The following TENM3 variants were observed in gnomAD, a reference collection of about 807,000 sequenced individuals.
TENM3 encodes teneurin transmembrane protein 3, also known as teneurin-3.
TENM3 carries 63 observed loss-of-function variants against 255.1 expected under a neutral mutation model. The observed-to-expected ratio is 0.25, with a 90% CI of 0.20 to 0.30. The LOEUF (loss-of-function observed/expected upper bound fraction) is 0.30, where lower values mean the gene tolerates loss of function less well. TENM3 is among the 10% of genes least tolerant of loss of function. The pLI is 1.00. For missense variants in TENM3, 2,929 were observed against 3,461.1 expected (o/e 0.85, Z 3.86); for synonymous variants, 1,306 against 1,322.3 (o/e 0.99, Z 0.27).
At chr4:182,025,929 A>C in the TENM3 span, among the ~76,000 whole-genome samples, 1 of 151,960 alleles carries the variant, frequency 6.6e-6, no homozygotes, top group East Asian at 1.9e-4. Context: ...GCACCCATCA[A>C]CTCGTCATTT....
At chr4:182,591,443 C>G (rs906032972) in intron 3 of TENM3, among the ~76,000 whole-genome samples, 2 of 152,132 alleles carry the variant, frequency 1.3e-5, no homozygotes, top group Admixed American at 1.3e-4. Flanking sequence ...TTATTTATCA[C>G]CAGGGCATTT....
At chr4:182,761,084 C>A (rs557994856) in intron 22 of TENM3, among the ~76,000 whole-genome samples, 13 of 152,148 alleles carry the variant, frequency 8.5e-5, no homozygotes, top group African/African-American at 3.1e-4. Flanking sequence ...GTTCTCCTTA[C>A]AAAAGTGACC....
intron 1 of TENM3, among the ~76,000 whole-genome samples, chr4:182,206,029 C>T (rs1032592993): frequency 1.3e-5 from 2 of 148,984 alleles, no homozygotes; most frequent in African/African-American, 2.5e-5. Flanking sequence ...ACACGATCCA[C>T]CGAAAGAAGA....
chr4:181,597,317 T>C, the TENM3 span, among the ~76,000 whole-genome samples: 1 of 152,214 alleles, frequency 6.6e-6, no homozygotes, highest in African/African-American at 2.4e-5. Flanking sequence ...AAGCCTTCCC[T>C]AAACTGTGTT....
intron 5 of TENM3, among the ~76,000 whole-genome samples, chr4:182,646,319 G>A (rs1180430907): frequency 6.6e-6 from 1 of 152,156 alleles, no homozygotes; most frequent in East Asian, 1.9e-4. Context: ...AACCAGCAGA[G>A]AACTGGGAAG....
the TENM3 span, among the ~76,000 whole-genome samples, chr4:182,072,774 A>T: frequency 0.03 from 4,558 of 152,256 alleles, 92 homozygotes; most frequent in Middle Eastern, 0.051. Flanking sequence ...TTTGTGTGTC[A>T]TCTCATTTTC....
chr4:182,224,859 C>G (rs1365885959), intron 1 of TENM3, among the ~76,000 whole-genome samples: 1 of 151,908 alleles, frequency 6.6e-6, no homozygotes, highest in African/African-American at 2.4e-5. Context: ...GCCTCAGCCT[C>G]CTGAGTGGCT....
intron 1 of TENM3, among the ~76,000 whole-genome samples, chr4:182,177,963 T>TG (rs889013854): frequency 2.2e-5 from 3 of 137,426 alleles, no homozygotes; most frequent in African/African-American, 7.7e-5. Flanking sequence ...TTTTTGTTTT[T>TG]TTTTTTTTTT....
At chr4:182,230,454 T>A (rs1400221806) in intron 1 of TENM3, among the ~76,000 whole-genome samples, 2 of 152,186 alleles carry the variant, frequency 1.3e-5, no homozygotes, top group Non-Finnish European at 2.9e-5. Context: ...CTGGCGAACC[T>A]CTTGATTAGG....
chr4:181,530,684 C>A, the TENM3 span, among the ~76,000 whole-genome samples: 1 of 152,162 alleles, frequency 6.6e-6, no homozygotes, highest in Admixed American at 6.5e-5. Flanking sequence ...GACATGTAAT[C>A]CTCCAAACAG....
the TENM3 span, among the ~76,000 whole-genome samples, chr4:181,762,226 T>TG: frequency 2.6e-5 from 4 of 152,266 alleles, no homozygotes; most frequent in East Asian, 7.7e-4. Context: ...TTTTCAAAGA[T>TG]GGAGTCCAGG....
At chr4:182,195,353 C>G (rs1753777690) in intron 1 of TENM3, among the ~76,000 whole-genome samples, 1 of 152,068 alleles carries the variant, frequency 6.6e-6, no homozygotes, top group Admixed American at 6.6e-5. Flanking sequence ...TAAAGCATGA[C>G]TTTAAAAAAT....
the TENM3 span, among the ~76,000 whole-genome samples, chr4:182,081,515 C>G: frequency 7.2e-6 from 1 of 138,212 alleles, no homozygotes; most frequent in Non-Finnish European, 1.5e-5. Context: ...ACCCGGGAGG[C>G]GGAGATTGCA....
At chr4:182,086,417 T>C in the TENM3 span, among the ~76,000 whole-genome samples, 3 of 152,156 alleles carry the variant, frequency 2.0e-5, no homozygotes, top group African/African-American at 7.2e-5. Flanking sequence ...AAGGAAACAT[T>C]TGCCACCTTC....
At chr4:182,430,905 G>C (rs181746958) in intron 3 of TENM3, among the ~76,000 whole-genome samples, 2 of 151,712 alleles carry the variant, frequency 1.3e-5, no homozygotes, top group African/African-American at 4.8e-5. Flanking sequence ...CCAGCTACTC[G>C]GGAGGCTAAG....
chr4:181,659,075 C>A, the TENM3 span, among the ~76,000 whole-genome samples: 265 of 152,222 alleles, frequency 1.7e-3, 1 homozygote, highest in African/African-American at 6.0e-3. Context: ...ACTAAACAGA[C>A]CCAGACTCAG....
At chr4:182,149,760 A>G (rs867263018) in intron 1 of TENM3, among the ~76,000 whole-genome samples, 2 of 152,100 alleles carry the variant, frequency 1.3e-5, no homozygotes, top group African/African-American at 4.8e-5. Flanking sequence ...GTAGCATAAC[A>G]CTAAACTATG....
At chr4:182,056,564 A>C in the TENM3 span, among the ~76,000 whole-genome samples, 1 of 152,212 alleles carries the variant, frequency 6.6e-6, no homozygotes, top group Non-Finnish European at 1.5e-5. Flanking sequence ...ACCTTTAAAA[A>C]GACTGCAGCA....
chr4:181,649,245 A>T, the TENM3 span, among the ~76,000 whole-genome samples: 1 of 152,178 alleles, frequency 6.6e-6, no homozygotes, highest in Non-Finnish European at 1.5e-5. Flanking sequence ...GCCAGAGCGG[A>T]GCCTCTTTTC....
Sources: gnomAD v4.1 joint callset for allele counts (sites outside exome capture counted in the v4.1 genomes callset) on GRCh38, gnomAD v4.1.1 for gene constraint, MANE v1.5 for transcripts, NCBI Gene and HGNC (gene_info 2026-07-23, HGNC 2026-07-21) for gene names.